Variants in CDH22 observed in about 807,000 individuals in gnomAD.
CDH22 encodes the protein cadherin-22.
Under a neutral mutation model 58.4 loss-of-function variants are expected in CDH22, and 30 were observed. The ratio of observed to expected loss-of-function variants is 0.51; its 90% confidence interval spans 0.38 to 0.70. CDH22 has a LOEUF of 0.70. Among genes scored for constraint, CDH22 ranks in the 30% least tolerant of loss-of-function variants. CDH22 has a pLI of 0.00. For missense variants in CDH22, 1,014 were observed against 1,233.9 expected (o/e 0.82, Z 2.67); for synonymous variants, 513 against 558.2 (o/e 0.92, Z 1.14).
intron 5 of CDH22, 108 bp from the exon 6 acceptor site, chr20:46,213,296 G>A (rs929400697): frequency 4.1e-6 from 3 of 726,068 alleles, no homozygotes; most frequent in Admixed American, 4.9e-5. Context: ...ATGGAGGACA[G>A]TGCCTGAAAG....
rs749724683 is a variant in CDH22 at position 46,241,039 on chromosome 20, C to A, written c.474G>T (p.Val158=). ...GGGGCTCACTGTCATTGATGTCCTG[C>A]ACCTTGATGATGAACTCCGACTCGG... ...LEPESEFIIK[V]QDINDSEPRF... Residue 158 remains valine (V), a synonymous_variant, in exon 3 of 12, where the codon GTG becomes GTT. Transcript: ENST00000537909. This position sits in a 1 kb window ranked among gnomAD's most constrained non-coding sequence, Gnocchi z 5.2. 1 of 1,614,154 alleles carries A rather than the reference C, an allele frequency of 6.2e-7. No homozygotes were observed. The highest frequency in any genetic ancestry group is 1.1e-5 in the South Asian group (1 of 91,086).
intron 1 of CDH22, among the ~76,000 whole-genome samples, chr20:46,267,131 C>T (rs867512489): frequency 6.6e-6 from 1 of 151,978 alleles, no homozygotes; most frequent in Non-Finnish European, 1.5e-5. Context: ...AGTCACTTGT[C>T]CAAGATTACA....
chr20:46,271,904 A>T (rs2086491824), intron 1 of CDH22, among the ~76,000 whole-genome samples: 1 of 152,210 alleles, frequency 6.6e-6, no homozygotes, highest in Non-Finnish European at 1.5e-5. Flanking sequence ...AAGCCCAAGG[A>T]TAAACATAGA....
At position 46,199,565 on chromosome 20, in the gene CDH22, G is replaced by T. The variant is rs573935789; in HGVS notation, c.1287-6C>A. ...ATTCGCGGTCAATGGCGTACCTGCG[G>T]GGGGCAGGGCAGGGCTGATTGAAGG... On this transcript the variant is annotated splice_region_variant and splice_polypyrimidine_tract_variant and intron_variant, in intron 7 of 11. Coordinates refer to ENST00000537909, the MANE Select transcript of CDH22 (RefSeq NM_021248.3). 4 of 1,613,314 alleles carry T rather than the reference G, an allele frequency of 2.5e-6. No homozygotes were observed. Among genetic ancestry groups the T allele is most frequent in the East Asian group, 4.5e-5 (2 of 44,870 alleles).
chr20:46,273,206 G>T lies in CDH22; in HGVS notation c.-399-21513C>A, dbSNP rs562255285. On this transcript the variant is annotated intron_variant, in intron 1 of 11. Transcript: ENST00000537909. ...GTGAGATCATCAGAAAACAAATTCA[G>T]ATTTTCAAGGATCAGCAAATGCCCT... Among the ~76,000 whole-genome samples the T allele has an allele frequency of 3.3e-5, 5 of 152,292 alleles. No individual in the cohort carries two copies. The South Asian group carries it at 1.0e-3, about 32-fold the overall frequency.
intron 1 of CDH22, among the ~76,000 whole-genome samples, chr20:46,262,025 G>A (rs2086435417): frequency 6.6e-6 from 1 of 152,090 alleles, no homozygotes; most frequent in Non-Finnish European, 1.5e-5. Flanking sequence ...GCATACACAC[G>A]CACCACATCC....
rs774363842 is a variant in CDH22 at position 46,210,531 on chromosome 20, G to A, written c.1062C>T (p.His354=). 6 of 1,433,244 alleles carry A rather than the reference G, an allele frequency of 4.2e-6. No homozygotes were observed. In the African/African-American group the frequency reaches 7.5e-5, roughly 18 times the overall value. The allele number at this position is 1,433,244 out of a possible 1,614,324, so 88.8% of individuals were successfully genotyped here. A position where few individuals can be genotyped will look rare whatever the true frequency, so the allele number is the denominator to read the frequency against. Residue 354 remains histidine (H), a synonymous_variant, in exon 7 of 12, where the codon CAC becomes CAT. Transcript: ENST00000537909. The surrounding 1 kb of genome is among the most constrained non-coding windows in gnomAD (Gnocchi z 4.5). ...KRLDFESQPV[H]TVILEALNKF... ...TGTTGAGGGCCTCCAGGATCACGGT[G>A]TGCACGGGCTGGGATTCGAAGTCCA...
intron 7 of CDH22, among the ~76,000 whole-genome samples, chr20:46,202,361 T>A (rs1214005529): frequency 6.6e-6 from 1 of 151,690 alleles, no homozygotes; most frequent in Non-Finnish European, 1.5e-5. Context: ...TTTAATTTTT[T>A]TTTTTTTTTT....
intron 10 of CDH22, among the ~76,000 whole-genome samples, chr20:46,178,956 C>G (rs1165138831): frequency 6.6e-6 from 1 of 152,178 alleles, no homozygotes. Context: ...CCAGAGAGGA[C>G]AGTGAACAAA....
chr20:46,247,995 G>A (rs1395449748), intron 2 of CDH22, among the ~76,000 whole-genome samples: 1 of 152,232 alleles, frequency 6.6e-6, no homozygotes, highest in African/African-American at 2.4e-5. Context: ...CCAGCACAGT[G>A]CTTGGCTCCT....
At chr20:46,292,565 A>G (rs573688096) in intron 1 of CDH22, among the ~76,000 whole-genome samples, 79 of 152,310 alleles carry the variant, frequency 5.2e-4, no homozygotes, top group African/African-American at 1.8e-3. Context: ...AAATTAGGGT[A>G]TCCGGTGTCT....
chr20:46,197,922 G>C (rs1207034812), intron 8 of CDH22, among the ~76,000 whole-genome samples: 1 of 152,140 alleles, frequency 6.6e-6, no homozygotes, highest in Non-Finnish European at 1.5e-5. Context: ...GGAGGAGCTT[G>C]GGTCAGGAGG....
intron 4 of CDH22, among the ~76,000 whole-genome samples, chr20:46,226,220 G>C (rs1450774014): frequency 6.7e-6 from 1 of 149,198 alleles, no homozygotes; most frequent in African/African-American, 2.5e-5. Flanking sequence ...TGAAATCTTG[G>C]TCTGGCAACA....
At chr20:46,195,799 G>A (rs1025641064) in intron 8 of CDH22, among the ~76,000 whole-genome samples, 5 of 152,220 alleles carry the variant, frequency 3.3e-5, no homozygotes, top group Non-Finnish European at 7.3e-5. Flanking sequence ...TCAGAAGTTC[G>A]GGGAGAGGGG....
chr20:46,174,726 G>A lies in CDH22; in HGVS notation c.2267C>T (p.Ala756Val), dbSNP rs756588252. 1.9e-6 allele frequency: 3 copies of A among 1,555,334 alleles called. No individual in the cohort carries two copies. The highest frequency in any genetic ancestry group is 1.7e-6 in the Non-Finnish European group (2 of 1,158,072). The change falls in exon 12 of 12, where the codon GCA (alanine) becomes GTA (valine). Residue 756 changes from alanine (A) to valine (V), a missense_variant. Physicochemically the swap from Ala to Val is moderately conservative, Grantham distance 64 (BLOSUM62 0). This residue lies in a region of CDH22 where 208 missense variants were observed against 195.2 expected (regional missense o/e 1.07). Coordinates refer to ENST00000537909, the MANE Select transcript of CDH22 (RefSeq NM_021248.3). The surrounding 1 kb of genome is among the most constrained non-coding windows in gnomAD (Gnocchi z 4.4). Reference sequence around the variant, plus strand: ...CACCGACAGGTCCCCGTCCGCCAGTGCCACCTTGCGGCTGATGAAGTCCCT... The same window carrying A: ...CACCGACAGGTCCCCGTCCGCCAGTACCACCTTGCGGCTGATGAAGTCCCT... Reference protein sequence around the residue: ...VFRDFISRKVALADGDLSVPP... With the variant: ...VFRDFISRKVVLADGDLSVPP...
chr20:46,229,951 A>C (rs1196805169), intron 3 of CDH22, among the ~76,000 whole-genome samples: 1 of 152,080 alleles, frequency 6.6e-6, no homozygotes, highest in Non-Finnish European at 1.5e-5. Flanking sequence ...GGGACTCCCG[A>C]GGGGATGATG....
chr20:46,306,210 GCT>G (rs1405704084), intron 1 of CDH22, among the ~76,000 whole-genome samples: 9 of 152,362 alleles, frequency 5.9e-5, no homozygotes, highest in African/African-American at 1.9e-4. Flanking sequence ...CCAAGAAACG[GCT>G]CTGTTTTGCC....
chr20:46,279,351 C>T (rs1173694589), intron 1 of CDH22, among the ~76,000 whole-genome samples: 1 of 152,090 alleles, frequency 6.6e-6, no homozygotes, highest in Non-Finnish European at 1.5e-5. Flanking sequence ...CATGGCATGG[C>T]TGATGATAAG....
intron 1 of CDH22, among the ~76,000 whole-genome samples, chr20:46,263,774 T>A (rs1255611673): frequency 6.6e-6 from 1 of 151,886 alleles, no homozygotes; most frequent in Non-Finnish European, 1.5e-5. Flanking sequence ...CTGGAGGAGT[T>A]GAGATTTTGA....
Sources: allele counts gnomAD v4.1 joint callset (sites outside exome capture counted in the v4.1 genomes callset), GRCh38; gene constraint gnomAD v4.1.1; regional missense constraint gnomAD v4.1.1; non-coding constraint Gnocchi (gnomAD v3.1); transcripts MANE v1.5; gene names NCBI Gene and HGNC (gene_info 2026-07-23, HGNC 2026-07-21).